The following TJP1 variants were observed in gnomAD, a reference collection of about 807,000 sequenced individuals.
TJP1 encodes tight junction protein 1, also known as tight junction protein ZO-1.
TJP1 carries 43 observed loss-of-function variants against 194.2 expected under a neutral mutation model. That is an observed-to-expected ratio of 0.22 (90% CI 0.17 to 0.29). The LOEUF (loss-of-function observed/expected upper bound fraction) is 0.29. TJP1 is among the 10% of genes least tolerant of loss of function. TJP1 has a pLI of 1.00. For synonymous variants in TJP1, 801 were observed against 779.0 expected (o/e 1.03, Z -0.47); for missense variants, 1,971 against 2,185.7 (o/e 0.90, Z 1.96).
At chr15:29,922,966 TG>T (rs1332463305) in intron 2 of TJP1, among the ~76,000 whole-genome samples, 19 of 99,912 alleles carry the variant, frequency 1.9e-4, no homozygotes, top group Non-Finnish European at 3.3e-4. Context: ...ATGAAAAAAC[TG>T]TTTAATCTGA....
chr15:29,912,695 C>CAAAAAAAAAAAAAAAAAAAA (rs71103416), intron 2 of TJP1, among the ~76,000 whole-genome samples: 16 of 64,956 alleles, frequency 2.5e-4, no homozygotes, highest in African/African-American at 7.0e-4. Flanking sequence ...GACTCTGTCT[C>CAAAAAAAAAAAAAAAAAAAA]AAAAAAAAAA....
chr15:29,772,860 G>T (rs2046781285), intron 3 of TJP1, among the ~76,000 whole-genome samples: 1 of 152,132 alleles, frequency 6.6e-6, no homozygotes, highest in African/African-American at 2.4e-5. Context: ...AGATTCTTAA[G>T]TTCAAGGGAT....
intron 2 of TJP1, among the ~76,000 whole-genome samples, chr15:29,946,117 C>G (rs1392553416): frequency 2.0e-5 from 3 of 152,134 alleles, no homozygotes; most frequent in African/African-American, 4.8e-5. Flanking sequence ...TCAGGAGAGC[C>G]AGGCTGAAGG....
rs776975041 is a variant in TJP1 at position 29,737,329 on chromosome 15, C to G, written c.1342G>C (p.Ala448Pro). 1.1e-5 allele frequency: 18 copies of G among 1,614,082 alleles called. No individual in the cohort carries two copies. Among genetic ancestry groups the G allele is most frequent in the Non-Finnish European group, 1.4e-5 (17 of 1,180,038 alleles). Residue 448 changes from alanine to proline, a missense_variant, in exon 11 of 28, where the codon GCT becomes CCT. Transcript: ENST00000614355. ...GCAGGGCTATCTTCTAGAACGCCAG[C>G]TACAAATATTCCAACATCATTTCCA... Reference protein sequence around the residue: ...AGGNDVGIFVAGVLEDSPAAK... With the variant: ...AGGNDVGIFVPGVLEDSPAAK...
intron 2 of TJP1, among the ~76,000 whole-genome samples, chr15:29,853,962 C>T (rs1031665780): frequency 6.6e-6 from 1 of 152,128 alleles, no homozygotes; most frequent in African/African-American, 2.4e-5. Context: ...AGTCGCTATA[C>T]TTTCACCGCA....
intron 2 of TJP1, among the ~76,000 whole-genome samples, chr15:29,777,663 T>C (rs1478181911): frequency 6.6e-6 from 1 of 152,010 alleles, no homozygotes; most frequent in Non-Finnish European, 1.5e-5. Context: ...CACAAATTGC[T>C]ACAACTTTCA....
At chr15:29,940,627 T>C (rs370028151) in intron 2 of TJP1, among the ~76,000 whole-genome samples, 13 of 152,294 alleles carry the variant, frequency 8.5e-5, no homozygotes, top group East Asian at 3.9e-4. Context: ...CAGGGATGAT[T>C]TACTGTTCCA....
chr15:29,804,440 T>G (rs2048988453), intron 1 of TJP1, among the ~76,000 whole-genome samples: 1 of 152,172 alleles, frequency 6.6e-6, no homozygotes, highest in South Asian at 2.1e-4. Context: ...TATTAACCAC[T>G]ATTTTAATGA....
chr15:29,949,517 TC>T (rs2055497110), intron 2 of TJP1, among the ~76,000 whole-genome samples: 1 of 20,760 alleles, frequency 4.8e-5, no homozygotes, highest in Non-Finnish European at 8.8e-5. Flanking sequence ...CACCTCCACC[TC>T]CACCACCACC....
chr15:29,897,972 T>C (rs1009649192), intron 2 of TJP1, among the ~76,000 whole-genome samples: 9 of 152,196 alleles, frequency 5.9e-5, no homozygotes, highest in African/African-American at 1.7e-4. Context: ...TATGGACTTT[T>C]GAGTTAATGC....
chr15:29,807,603 T>C (rs1306469067), intron 1 of TJP1, among the ~76,000 whole-genome samples: 2 of 151,886 alleles, frequency 1.3e-5, no homozygotes, highest in African/African-American at 2.4e-5. Flanking sequence ...TTTCATGACA[T>C]TACCCTTCAC....
chr15:29,827,439 G>A (rs2050711232), upstream of TJP1, among the ~76,000 whole-genome samples: 1 of 152,192 alleles, frequency 6.6e-6, no homozygotes, highest in Non-Finnish European at 1.5e-5. Context: ...GGGCCAGAGT[G>A]TTCTCTGGGC....
intron 2 of TJP1, among the ~76,000 whole-genome samples, chr15:29,877,580 T>C (rs1170676486): frequency 1.3e-5 from 2 of 152,006 alleles, no homozygotes; most frequent in African/African-American, 4.8e-5. Flanking sequence ...TCTTTCTTTC[T>C]TTCCTTCCTT....
intron 2 of TJP1, among the ~76,000 whole-genome samples, chr15:29,921,231 C>T (rs2054347447): frequency 6.6e-6 from 1 of 152,220 alleles, no homozygotes; most frequent in Non-Finnish European, 1.5e-5. Flanking sequence ...ACTCTCCCGT[C>T]ACCTCCTGGA....
rs376233490 is a variant in TJP1, at chr15:29,766,549, G to A, written c.313-7C>T. ...TCTTCTTCCTTCTAATTGTCTGCAA[G>A]TTAAAAAGGTTAAAAAATAAGTTGA... On this transcript the variant is annotated splice_region_variant and splice_polypyrimidine_tract_variant and intron_variant, in intron 4 of 27. Transcript: ENST00000614355. 7.0e-5 allele frequency: 107 copies of A among 1,523,956 alleles called. No homozygotes were observed. In the African/African-American group the frequency reaches 9.7e-4, roughly 14 times the overall value. The allele number at this position is 1,523,956 out of a possible 1,614,324, so 94.4% of individuals were successfully genotyped here. A position where few individuals can be genotyped will look rare whatever the true frequency, so the allele number is the denominator to read the frequency against.
At chr15:29,787,449 A>AC (rs2047769859) in intron 2 of TJP1, among the ~76,000 whole-genome samples, 1 of 152,146 alleles carries the variant, frequency 6.6e-6, no homozygotes, top group Non-Finnish European at 1.5e-5. Flanking sequence ...CATACATTGG[A>AC]CCCCATCAAA....
At chr15:29,880,029 T>A (rs530068705) in intron 2 of TJP1, among the ~76,000 whole-genome samples, 4 of 152,322 alleles carry the variant, frequency 2.6e-5, no homozygotes, top group Admixed American at 1.3e-4. Context: ...CTCAAAAAAA[T>A]TATCATTAGA....
chr15:29,760,373 C>G (rs942055878), intron 8 of TJP1: 2 of 639,500 alleles, frequency 3.1e-6, no homozygotes, highest in African/African-American at 3.7e-5. Context: ...GGCATAAATA[C>G]TAGTGTTTTG....
intron 27 of TJP1, among the ~76,000 whole-genome samples, chr15:29,701,948 T>G (rs1238327527): frequency 1.3e-5 from 2 of 152,198 alleles, no homozygotes; most frequent in African/African-American, 4.8e-5. Context: ...CAGTTTTTTG[T>G]TTTTTGTTTT....
Sources: allele counts gnomAD v4.1 joint callset (sites outside exome capture counted in the v4.1 genomes callset), GRCh38; gene constraint gnomAD v4.1.1; transcripts MANE v1.5; gene names NCBI Gene and HGNC (gene_info 2026-07-23, HGNC 2026-07-21).